SLC25A26: variants seen among roughly 807,000 people sequenced by gnomAD.
SLC25A26 encodes the protein solute carrier family 25 member 26, also known as mitochondrial S-adenosylmethionine carrier protein.
A neutral mutation model predicts 37.8 loss-of-function variants in SLC25A26; 36 were observed. The observed-to-expected ratio is 0.95, with a 90% CI of 0.73 to 1.26. The LOEUF is 1.26. Among genes scored for constraint, SLC25A26 ranks in the 50% most tolerant of loss-of-function variants. The probability of loss-of-function intolerance (pLI) is 0.00; values close to 1 mark genes in which losing one functional copy is unlikely to be tolerated. For synonymous variants in SLC25A26, 129 were observed against 122.5 expected, an observed-to-expected ratio of 1.05 and a Z score of -0.35; for missense variants, 390 against 331.1, an observed-to-expected ratio of 1.18 and a Z score of -1.38.
rs1201695553 is a variant in SLC25A26 at position 66,175,107 on chromosome 3, G to GTATATATATATA, written c.-354+41124_-354+41125insATATATATATAT. ...ATTATATGTATATGTATATGTGTGTGTGTATATATATATATATATATATAT... is the reference window on the plus strand; with the variant it reads ...ATTATATGTATATGTATATGTGTGTGTATATATATATATGTATATATATATATATATATATAT... On this transcript the variant is annotated intron_variant, in intron 1 of 10. Coordinates refer to the SLC25A26 transcript ENST00000676754. Among the ~76,000 whole-genome samples the GTATATATATATA allele has an allele frequency of 3.7e-3, 299 of 80,024 alleles. 2 individuals are homozygous for GTATATATATATA. Among genetic ancestry groups the GTATATATATATA allele is most frequent in the Non-Finnish European group, 5.4e-3 (218 of 40,180 alleles). The allele number at this position is 80,024 out of a possible 152,430, so 52.5% of individuals were successfully genotyped here.
chr3:66,325,819 A>G (rs2075823202), intron 5 of SLC25A26, among the ~76,000 whole-genome samples: 1 of 152,190 alleles, frequency 6.6e-6, no homozygotes, highest in South Asian at 2.1e-4. Context: ...AAAATCACTG[A>G]AGGTTTTATA....
chr3:66,214,955 C>T (rs2071338851), intron 1 of SLC25A26, among the ~76,000 whole-genome samples: 1 of 152,204 alleles, frequency 6.6e-6, no homozygotes, highest in African/African-American at 2.4e-5. Context: ...TGCTGAAATT[C>T]CATCTCTACT....
At chr3:66,348,879 A>G (rs1434211731) in intron 6 of SLC25A26, among the ~76,000 whole-genome samples, 1 of 152,192 alleles carries the variant, frequency 6.6e-6, no homozygotes, top group Non-Finnish European at 1.5e-5. Flanking sequence ...CAGCTATCCA[A>G]TGAGAAGGTC....
At chr3:66,317,425 A>T (rs1246248258) in intron 5 of SLC25A26, among the ~76,000 whole-genome samples, 1 of 152,074 alleles carries the variant, frequency 6.6e-6, no homozygotes, top group Non-Finnish European at 1.5e-5. Flanking sequence ...GGCCCCTCCC[A>T]TCCCTGGAGG....
chr3:66,251,892 T>A (rs192866466), intron 3 of SLC25A26, among the ~76,000 whole-genome samples: 126 of 152,340 alleles, frequency 8.3e-4, no homozygotes, highest in Admixed American at 1.5e-3. Context: ...TTTCATTGAT[T>A]TTTTTATTTA....
chr3:66,245,332 C>T (rs1031914191), intron 3 of SLC25A26, among the ~76,000 whole-genome samples: 3 of 151,692 alleles, frequency 2.0e-5, no homozygotes, highest in African/African-American at 7.3e-5. Context: ...TCATTCCCCT[C>T]ATTAACTTAT....
chr3:66,369,648 A>G (rs1700242961), intron 8 of SLC25A26, 106 bp downstream of exon 8: 1 of 934,170 alleles, frequency 1.1e-6, no homozygotes. Flanking sequence ...TTTACCTGTA[A>G]TAGCATCTTA....
chr3:66,186,352 C>T (rs1335124872), intron 1 of SLC25A26, among the ~76,000 whole-genome samples: 1 of 151,770 alleles, frequency 6.6e-6, no homozygotes, highest in Non-Finnish European at 1.5e-5. Context: ...TGTTCCTGAC[C>T]ATTATCTTCC....
intron 5 of SLC25A26, among the ~76,000 whole-genome samples, chr3:66,274,425 C>T (rs1294933033): frequency 1.3e-5 from 2 of 151,984 alleles, no homozygotes; most frequent in African/African-American, 4.8e-5. Flanking sequence ...TAAAGAGCTT[C>T]TGCACAGCAA....
At chr3:66,240,704 A>G (rs1211643067) in intron 2 of SLC25A26, among the ~76,000 whole-genome samples, 1 of 151,822 alleles carries the variant, frequency 6.6e-6, no homozygotes, top group Non-Finnish European at 1.5e-5. Context: ...GCTAGTATCT[A>G]AATATATTTT....
intron 1 of SLC25A26, among the ~76,000 whole-genome samples, chr3:66,150,617 T>G (rs1386568632): frequency 9.0e-5 from 4 of 44,354 alleles, no homozygotes; most frequent in African/African-American, 4.3e-4. Context: ...TATATATATA[T>G]ATATATATAT....
At chr3:66,350,934 C>T (rs1484514792) in intron 6 of SLC25A26, among the ~76,000 whole-genome samples, 2 of 152,036 alleles carry the variant, frequency 1.3e-5, no homozygotes, top group African/African-American at 4.8e-5. Flanking sequence ...GAAGAATTGC[C>T]CTTACCACAG....
chr3:66,317,178 A>G (rs1012367876), intron 5 of SLC25A26, among the ~76,000 whole-genome samples: 19 of 152,082 alleles, frequency 1.2e-4, no homozygotes, highest in African/African-American at 4.6e-4. Context: ...TTGGAGGAGA[A>G]GAGGCCCTCT....
intron 9 of SLC25A26, among the ~76,000 whole-genome samples, chr3:66,377,003 C>A (rs1294938354): frequency 6.6e-6 from 1 of 152,134 alleles, no homozygotes; most frequent in Non-Finnish European, 1.5e-5. Flanking sequence ...ACTTATATCA[C>A]CATCAGCAAT....
chr3:66,176,798 G>A (rs2070593949), intron 1 of SLC25A26, among the ~76,000 whole-genome samples: 1 of 152,128 alleles, frequency 6.6e-6, no homozygotes, highest in South Asian at 2.1e-4. Context: ...TCCGATGAGT[G>A]TTTTATTTTT....
intron 5 of SLC25A26, among the ~76,000 whole-genome samples, chr3:66,274,392 T>A (rs2074059852): frequency 6.6e-6 from 1 of 151,440 alleles, no homozygotes; most frequent in South Asian, 2.1e-4. Flanking sequence ...AAGCCAAAAT[T>A]GACAAATGGG....
intron 1 of SLC25A26, among the ~76,000 whole-genome samples, chr3:66,202,942 A>G (rs1455472700): frequency 4.6e-5 from 7 of 152,210 alleles, no homozygotes; most frequent in Admixed American, 3.9e-4. Context: ...AAAATTATAC[A>G]TGTATTACGT....
intron 6 of SLC25A26, among the ~76,000 whole-genome samples, chr3:66,352,936 G>C (rs1448582050): frequency 6.6e-6 from 1 of 152,058 alleles, no homozygotes; most frequent in Non-Finnish European, 1.5e-5. Flanking sequence ...TTTCCGTACT[G>C]GTATTTTAAT....
intron 5 of SLC25A26, among the ~76,000 whole-genome samples, chr3:66,335,079 G>A (rs990657766): frequency 6.6e-6 from 1 of 152,178 alleles, no homozygotes; most frequent in Non-Finnish European, 1.5e-5. Context: ...TATATAATAG[G>A]TTCCAACCTG....
Sources: allele counts gnomAD v4.1 joint callset (sites outside exome capture counted in the v4.1 genomes callset), GRCh38; gene constraint gnomAD v4.1.1; transcripts MANE v1.5; gene names NCBI Gene and HGNC (gene_info 2026-07-23, HGNC 2026-07-21).